Variants in ADAMTSL1 observed in about 807,000 individuals in gnomAD.
ADAMTSL1 encodes the protein ADAMTS-like protein 1.
In ADAMTSL1, 126 loss-of-function variants were observed where a neutral mutation model predicts 201.8. That is an observed-to-expected ratio of 0.62 (90% confidence interval 0.54 to 0.72). ADAMTSL1 has a LOEUF of 0.72. ADAMTSL1 is among the 30% of genes least tolerant of loss of function. The pLI is 0.00. For synonymous variants in ADAMTSL1, 1,121 were observed against 903.4 expected, an observed-to-expected ratio of 1.24 and a Z score of -4.32; for missense variants, 2,679 against 2,277.8, an observed-to-expected ratio of 1.18 and a Z score of -3.59.
At chr9:18,570,334 T>C (rs80177610) in intron 3 of ADAMTSL1, among the ~76,000 whole-genome samples, 6,634 of 152,190 alleles carry the variant, frequency 0.044, 443 homozygotes, top group African/African-American at 0.14. Flanking sequence ...TAAATCTCTA[T>C]ACAAATTATT....
chr9:18,699,993 G>T (rs1233473313), intron 13 of ADAMTSL1, among the ~76,000 whole-genome samples: 2 of 152,148 alleles, frequency 1.3e-5, no homozygotes, highest in African/African-American at 4.8e-5. Context: ...CCAGAGAATT[G>T]TAAACAACAG....
intron 2 of ADAMTSL1, among the ~76,000 whole-genome samples, chr9:18,322,704 A>G (rs1834674991): frequency 6.6e-6 from 1 of 152,182 alleles, no homozygotes; most frequent in Admixed American, 6.5e-5. Flanking sequence ...AGACAAGAAG[A>G]AAGAAAAAAC....
In ADAMTSL1 at chr9:18,263,422, C is replaced by T. The variant is rs150635436; in HGVS notation, c.207+99441C>T. 4.5e-3 allele frequency among the ~76,000 whole-genome samples: 692 copies of T among 152,278 alleles called. 3 individuals are homozygous for T. Among genetic ancestry groups the T allele is most frequent in the African/African-American group, 0.015 (606 of 41,542 alleles). On this transcript the variant is annotated intron_variant, in intron 2 of 29. Coordinates refer to the ADAMTSL1 transcript ENST00000680146. ...ATTCCCTGGCTCCTGTTGCTTCCTC[C>T]GTGTGCCTCTTCAATGTTGGCGTCA...
chr9:18,519,649 A>G (rs946993331), intron 2 of ADAMTSL1, among the ~76,000 whole-genome samples: 1 of 152,270 alleles, frequency 6.6e-6, no homozygotes, highest in Admixed American at 6.5e-5. Context: ...TGTCTTTCAC[A>G]GTGCCTTGCT....
chr9:18,522,469 C>G (rs182624952), intron 2 of ADAMTSL1, among the ~76,000 whole-genome samples: 61 of 151,940 alleles, frequency 4.0e-4, no homozygotes, highest in Admixed American at 1.7e-3. Flanking sequence ...ACTTTAAGTT[C>G]TAAGGTACAT....
At chr9:18,406,447 G>A (rs997145003) in intron 2 of ADAMTSL1, among the ~76,000 whole-genome samples, 16 of 151,918 alleles carry the variant, frequency 1.1e-4, no homozygotes, top group Admixed American at 1.1e-3. Context: ...TCCTGCCTCA[G>A]CCTCCCACGT....
chr9:18,669,543 G>GT (rs1308243818), intron 9 of ADAMTSL1, among the ~76,000 whole-genome samples: 2 of 152,076 alleles, frequency 1.3e-5, no homozygotes, highest in African/African-American at 4.8e-5. Context: ...TTAGTTTATG[G>GT]TTTTTTAAAA....
At chr9:17,972,215 A>C (rs1237439536) in intron 1 of ADAMTSL1, among the ~76,000 whole-genome samples, 1 of 144,756 alleles carries the variant, frequency 6.9e-6, no homozygotes, top group East Asian at 2.1e-4. Flanking sequence ...CACAATGTGC[A>C]GGTTTGTTAC....
intron 14 of ADAMTSL1, among the ~76,000 whole-genome samples, chr9:18,719,104 C>T (rs563841921): frequency 3.9e-5 from 6 of 152,182 alleles, no homozygotes; most frequent in Admixed American, 6.5e-5. Flanking sequence ...TTGGCTGTGT[C>T]GTCATACCAT....
At chr9:18,077,984 T>C (rs1274296088) in intron 1 of ADAMTSL1, among the ~76,000 whole-genome samples, 2 of 152,132 alleles carry the variant, frequency 1.3e-5, no homozygotes, top group Non-Finnish European at 2.9e-5. Context: ...GAGATATATT[T>C]GTCACCTAAC....
chr9:18,578,845 A>G (rs1352498054), intron 4 of ADAMTSL1, among the ~76,000 whole-genome samples: 2 of 151,184 alleles, frequency 1.3e-5, no homozygotes, highest in East Asian at 3.9e-4. Flanking sequence ...AGTCCCACCA[A>G]CAGTGTAAAA....
intron 1 of ADAMTSL1, 55 bp from the exon 2 acceptor site, chr9:18,504,774 A>G (rs1823028939): frequency 6.2e-7 from 1 of 1,613,702 alleles, no homozygotes; most frequent in South Asian, 1.1e-5. Context: ...TTTAGAACAC[A>G]TGTTTCAGGG....
chr9:18,609,433 TAA>T (rs71902207), intron 4 of ADAMTSL1, among the ~76,000 whole-genome samples: 7 of 146,272 alleles, frequency 4.8e-5, no homozygotes, highest in African/African-American at 1.7e-4. Context: ...AGAGGGAAGT[TAA>T]AAAAAAAAAA....
intron 16 of ADAMTSL1, among the ~76,000 whole-genome samples, chr9:18,763,269 C>T (rs1820175331): frequency 6.6e-6 from 1 of 152,156 alleles, no homozygotes; most frequent in Admixed American, 6.6e-5. Context: ...TGATGCTGAG[C>T]ACCTTTTCAT....
At chr9:18,039,749 A>G (rs1821357256) in intron 1 of ADAMTSL1, among the ~76,000 whole-genome samples, 1 of 152,208 alleles carries the variant, frequency 6.6e-6, no homozygotes, top group African/African-American at 2.4e-5. Flanking sequence ...TCTTACTACC[A>G]TAGATCAAAT....
intron 26 of ADAMTSL1, among the ~76,000 whole-genome samples, chr9:18,899,357 A>T (rs1415105613): frequency 5.3e-5 from 8 of 152,262 alleles, no homozygotes; most frequent in African/African-American, 1.9e-4. Context: ...AGTATCATGA[A>T]AATGGCCATA....
At chr9:18,317,145 A>G (rs1181332298) in intron 2 of ADAMTSL1, among the ~76,000 whole-genome samples, 4 of 152,304 alleles carry the variant, frequency 2.6e-5, no homozygotes, top group African/African-American at 9.6e-5. Context: ...CAAATACCGT[A>G]TGATCTTACT....
chr9:18,453,351 G>A (rs1026181950), intron 2 of ADAMTSL1, among the ~76,000 whole-genome samples: 7 of 152,090 alleles, frequency 4.6e-5, no homozygotes, highest in Admixed American at 4.6e-4. Flanking sequence ...AATGGGAGGG[G>A]CAGCCATGAA....
chr9:18,513,714 A>T (rs1818179281), intron 2 of ADAMTSL1, among the ~76,000 whole-genome samples: 1 of 152,206 alleles, frequency 6.6e-6, no homozygotes, highest in African/African-American at 2.4e-5. Context: ...ACATGTGGAT[A>T]TCCAGTTTTC....
Sources: allele counts gnomAD v4.1 joint callset (sites outside exome capture counted in the v4.1 genomes callset), GRCh38; gene constraint gnomAD v4.1.1; transcripts MANE v1.5; gene names NCBI Gene and HGNC (gene_info 2026-07-23, HGNC 2026-07-21).